ABCG5: variants seen among roughly 807,000 people sequenced by gnomAD.
The protein encoded by ABCG5 is ATP-binding cassette sub-family G member 5.
In ABCG5, 64 loss-of-function variants were observed where a neutral mutation model predicts 64.5. That is an observed-to-expected ratio of 0.99 (90% CI 0.81 to 1.22). ABCG5 has a LOEUF of 1.22. Ranked by LOEUF, ABCG5 falls within the 50% of genes most tolerant of loss-of-function variation. ABCG5 has a pLI of 0.00. For synonymous variants in ABCG5, 385 were observed against 326.3 expected (o/e 1.18, Z -1.94); for missense variants, 908 against 829.5 (o/e 1.09, Z -1.16).
chr2:43,839,112 C>A, upstream of ABCG5: 1 of 1,551,200 alleles, frequency 6.4e-7, no homozygotes, highest in South Asian at 1.2e-5. Context: ...CCCCAGGATA[C>A]CTCGGTGAGT....
At chr2:43,820,213 A>G in intron 10 of ABCG5, 113 bp from the exon 11 acceptor site, 1 of 1,278,900 alleles carries the variant, frequency 7.8e-7, no homozygotes, top group African/African-American at 1.5e-5. Context: ...AGAAGTTTGC[A>G]GGGCAAGCCA....
upstream of ABCG5, chr2:43,839,138 G>A (rs988839323): frequency 1.1e-5 from 17 of 1,550,836 alleles, no homozygotes; most frequent in Admixed American, 5.9e-5. Flanking sequence ...ATGGGAAGTC[G>A]GCCCAGGCCT....
chr2:43,831,713 A>G, intron 4 of ABCG5, 56 bp downstream of exon 4: 1 of 1,485,714 alleles, frequency 6.7e-7, no homozygotes. Context: ...AGAGGAGGGC[A>G]GCGGGGGGTG....
At chr2:43,835,476 C>G (rs761995357) in intron 2 of ABCG5, among the ~76,000 whole-genome samples, 1 of 152,006 alleles carries the variant, frequency 6.6e-6, no homozygotes, top group East Asian at 1.9e-4. Context: ...TGAGAATGAC[C>G]CTGGATGTTA....
chr2:43,818,259 C>G (rs1224221907), intron 11 of ABCG5, among the ~76,000 whole-genome samples: 7 of 152,034 alleles, frequency 4.6e-5, no homozygotes, highest in Non-Finnish European at 1.0e-4. Context: ...GCCTGGCCAA[C>G]ATGGCGAAAC....
At chr2:43,816,438 G>C (rs1481740109) in intron 11 of ABCG5, among the ~76,000 whole-genome samples, 1 of 152,216 alleles carries the variant, frequency 6.6e-6, no homozygotes, top group Non-Finnish European at 1.5e-5. Flanking sequence ...GTGGCGGAGA[G>C]AGAGAAATGG....
In ABCG5 at chr2:43,820,018, G is replaced by A; in HGVS notation, c.1546C>T (p.Leu516=). The stretch of plus-strand genomic sequence containing the variant: ...ACGATACCAAGTAGCACAAGAGTTA[G>A]AAATTCACCAATTAAGTGGGGGGCC... ...LLAPHLIGEF[L]TLVLLGIVQN... The change falls in exon 11 of 13, where the codon CTA becomes TTA. Residue 516 remains leucine (L), a synonymous_variant. Transcript: ENST00000405322. 1 of 1,614,180 alleles carries A rather than the reference G, an allele frequency of 6.2e-7. No homozygotes were observed. The highest frequency in any genetic ancestry group is 8.5e-7 in the Non-Finnish European group (1 of 1,180,028).
downstream of ABCG5, among the ~76,000 whole-genome samples, chr2:43,811,403 C>T (rs886323374): frequency 6.6e-6 from 1 of 152,172 alleles, no homozygotes; most frequent in Non-Finnish European, 1.5e-5. Flanking sequence ...TTTCCTATTT[C>T]AGTGTGAGAC....
chr2:43,806,569 C>T, the ABCG5 span, among the ~76,000 whole-genome samples: 75 of 152,240 alleles, frequency 4.9e-4, 1 homozygote, highest in East Asian at 0.014. Context: ...TGTTTGCAGC[C>T]TGGCTATAAG....
rs766455908 is a variant in ABCG5 at position 43,837,856 on chromosome 2, G to C, written c.243C>G (p.Ile81Met). ...TACCTGAGCTTCCTAGGATGCACATGATCTGCCCGCTCTCCACGTACAAGG... is the reference window on the plus strand; with the variant it reads ...TACCTGAGCTTCCTAGGATGCACATCATCTGCCCGCTCTCCACGTACAAGG... ...DVSLYVESGQIMCILGSSGSG... is the reference protein window; with the variant it reads ...DVSLYVESGQMMCILGSSGSG... The change falls in exon 2 of 13, where the codon ATC (isoleucine) becomes ATG (methionine). Residue 81 changes from isoleucine to methionine, a missense_variant. Coordinates refer to ENST00000405322, the MANE Select transcript of ABCG5 (RefSeq NM_022436.3). 65 of 1,613,932 alleles carry C rather than the reference G, an allele frequency of 4.0e-5. No individual in the cohort carries two copies. Among genetic ancestry groups the C allele is most frequent in the Non-Finnish European group, 5.4e-5 (64 of 1,179,980 alleles).
At position 43,838,118 on chromosome 2, in the gene ABCG5, A is replaced by T; in HGVS notation, c.144-163T>A. 1 of 924,398 alleles carries T rather than the reference A, an allele frequency of 1.1e-6. No individual in the cohort carries two copies. Among genetic ancestry groups the T allele is most frequent in the South Asian group, 1.6e-5 (1 of 64,370 alleles). 57.3% of individuals were successfully genotyped at this position (924,398 alleles called of 1,614,324 possible). On this transcript the variant is annotated intron_variant, in intron 1 of 12. Transcript: ENST00000405322. The surrounding 1 kb of genome is among the most constrained non-coding windows in gnomAD (Gnocchi z 4.2). Reference sequence around the variant, plus strand: ...CCCTCCTCTGTAGAACCTGGCAGATAGCGACTGAGGCTGTCTGCCACGTAG... The same window carrying T: ...CCCTCCTCTGTAGAACCTGGCAGATTGCGACTGAGGCTGTCTGCCACGTAG...
chr2:43,809,069 G>A (rs1165751288), downstream of ABCG5, among the ~76,000 whole-genome samples: 1 of 151,878 alleles, frequency 6.6e-6, no homozygotes, highest in Non-Finnish European at 1.5e-5. Flanking sequence ...GTTTACTGCA[G>A]CCTTGGCCTC....
downstream of ABCG5, among the ~76,000 whole-genome samples, chr2:43,808,767 C>G (rs1215241449): frequency 1.3e-5 from 2 of 152,148 alleles, no homozygotes; most frequent in South Asian, 2.1e-4. Context: ...CATGTGGCCA[C>G]TGTTATTTTT....
chr2:43,827,053 G>A lies in ABCG5; in HGVS notation c.635-532C>T, dbSNP rs188183360. Among the ~76,000 whole-genome samples, 986 of 152,298 alleles carry A rather than the reference G, an allele frequency of 6.5e-3. 5 individuals carry two copies. Among genetic ancestry groups the A allele is most frequent in the South Asian group, 0.027 (129 of 4,818 alleles). On this transcript the variant is annotated intron_variant, in intron 5 of 12. Coordinates refer to ENST00000405322, the MANE Select transcript of ABCG5 (RefSeq NM_022436.3). ...AAAAAGTGACAAGGGGGCCGGGCGC[G>A]GTGGCTCACGCCTGTAATGCCAACA...
intron 7 of ABCG5, 150 bp downstream of exon 7, chr2:43,824,739 T>C: frequency 2.1e-6 from 3 of 1,445,316 alleles, no homozygotes; most frequent in Non-Finnish European, 2.8e-6. Flanking sequence ...GGCAAGTTCA[T>C]TGACCCGGCC....
intron 5 of ABCG5, among the ~76,000 whole-genome samples, chr2:43,827,244 C>G (rs541157128): frequency 3.3e-5 from 5 of 150,778 alleles, no homozygotes; most frequent in African/African-American, 9.8e-5. Context: ...AGAATCGCTT[C>G]AACCTGGGAG....
At position 43,837,963 on chromosome 2, in the gene ABCG5, G is replaced by A. The variant is rs1257761664; in HGVS notation, c.144-8C>T. 1.2e-6 allele frequency: 2 copies of A among 1,613,764 alleles called. No individual in the cohort carries two copies. Among genetic ancestry groups the A allele is most frequent in the Admixed American group, 3.3e-5 (2 of 60,008 alleles). On this transcript the variant is annotated splice_region_variant and splice_polypyrimidine_tract_variant and intron_variant, in intron 1 of 12. Transcript: ENST00000405322. ...CAGGGCCTCACGCGGTGGCTTTAAAGGAAACCCCAGGAAGGCAAAGGCAGC... is the reference window on the plus strand; with the variant it reads ...CAGGGCCTCACGCGGTGGCTTTAAAAGAAACCCCAGGAAGGCAAAGGCAGC...
At chr2:43,826,843 G>C (rs752142175) in intron 5 of ABCG5, among the ~76,000 whole-genome samples, 13 of 152,190 alleles carry the variant, frequency 8.5e-5, no homozygotes, top group Admixed American at 8.5e-4. Context: ...CTGGCATCAA[G>C]TTGTTTTAAA....
In ABCG5 at chr2:43,820,004, T is replaced by C. The variant is rs545539720; in HGVS notation, c.1560A>G (p.Leu520=). ...HLIGEFLTLV[L]LGIVQNPNIV... is the part of the protein sequence containing the mutation. ...TATTTGGATTTTGGACGATACCAAGTAGCACAAGAGTTAGAAATTCACCAA... is the reference window on the plus strand; with the variant it reads ...TATTTGGATTTTGGACGATACCAAGCAGCACAAGAGTTAGAAATTCACCAA... Residue 520 remains leucine (L), a synonymous_variant, in exon 11 of 13, where the codon CTA becomes CTG. Coordinates refer to ENST00000405322, the MANE Select transcript of ABCG5 (RefSeq NM_022436.3). 3 of 1,614,162 alleles carry C rather than the reference T, an allele frequency of 1.9e-6. No homozygotes were observed. Among genetic ancestry groups the C allele is most frequent in the Non-Finnish European group, 2.5e-6 (3 of 1,180,028 alleles).
Sources: gnomAD v4.1 joint callset for allele counts (sites outside exome capture counted in the v4.1 genomes callset) on GRCh38, gnomAD v4.1.1 for gene constraint, Gnocchi (gnomAD v3.1) non-coding constraint, MANE v1.5 for transcripts, NCBI Gene and HGNC (gene_info 2026-07-23, HGNC 2026-07-21) for gene names.